CDH10: variants seen among roughly 807,000 people sequenced by gnomAD.
CDH10 encodes the protein cadherin 10.
In CDH10, 30 loss-of-function variants were observed where a neutral mutation model predicts 73.1. The ratio of observed to expected loss-of-function variants is 0.41; its 90% CI spans 0.31 to 0.56. The LOEUF is 0.56. Among genes scored for constraint, CDH10 ranks in the 20% least tolerant of loss-of-function variants. The pLI is 0.27. For synonymous variants in CDH10, 345 were observed against 348.2 expected (o/e 0.99, Z 0.10); for missense variants, 815 against 973.7 (o/e 0.84, Z 2.17).
chr5:24,563,597 C>CAAAAAAAAAAAAAAAA (rs70965616), intron 2 of CDH10, among the ~76,000 whole-genome samples: 4 of 88,682 alleles, frequency 4.5e-5, no homozygotes, highest in East Asian at 3.4e-4. Flanking sequence ...ACTAAAAATA[C>CAAAAAAAAAAAAAAAA]AAAAAAAAAA....
chr5:24,500,897 A>T (rs190660338), intron 8 of CDH10, among the ~76,000 whole-genome samples: 338 of 151,702 alleles, frequency 2.2e-3, no homozygotes, highest in Middle Eastern at 0.01. Context: ...AGAGGTATGC[A>T]TTTGAGAAGA....
At chr5:24,574,548 G>A (rs56227033) in intron 2 of CDH10, among the ~76,000 whole-genome samples, 71,157 of 151,452 alleles carry the variant, frequency 0.47, 17,751 homozygotes, top group East Asian at 0.69. Flanking sequence ...GAATATTGAC[G>A]GTGTCACTAC....
At chr5:24,578,852 C>T (rs1027415349) in intron 2 of CDH10, among the ~76,000 whole-genome samples, 1 of 151,826 alleles carries the variant, frequency 6.6e-6, no homozygotes, top group Admixed American at 6.6e-5. Context: ...ATAAGTTTGC[C>T]ATCTAAATCC....
chr5:24,530,239 AT>A (rs1185239678), intron 5 of CDH10, among the ~76,000 whole-genome samples: 1 of 151,664 alleles, frequency 6.6e-6, no homozygotes, highest in Admixed American at 6.6e-5. Flanking sequence ...GCCTCAGTAC[AT>A]TAGATGTCCC....
At chr5:24,617,231 C>T (rs1304368859) in intron 1 of CDH10, among the ~76,000 whole-genome samples, 7 of 151,960 alleles carry the variant, frequency 4.6e-5, no homozygotes, top group Non-Finnish European at 8.8e-5. Context: ...AGCAATGCAC[C>T]CCTCCTGCTT....
chr5:24,531,117 C>G (rs1178248429), intron 5 of CDH10, among the ~76,000 whole-genome samples: 1 of 151,992 alleles, frequency 6.6e-6, no homozygotes, highest in African/African-American at 2.4e-5. Context: ...TAGTGGATTT[C>G]TCCCTCTATT....
At chr5:24,536,074 TAATA>T (rs1387805517) in intron 3 of CDH10, among the ~76,000 whole-genome samples, 1 of 152,118 alleles carries the variant, frequency 6.6e-6, no homozygotes, top group Non-Finnish European at 1.5e-5. Flanking sequence ...ATACAGAATA[TAATA>T]AATACAGTCA....
chr5:24,503,849 A>G (rs902123866), intron 8 of CDH10, among the ~76,000 whole-genome samples: 1 of 152,172 alleles, frequency 6.6e-6, no homozygotes, highest in African/African-American at 2.4e-5. Context: ...GTGAACTCTG[A>G]TTAACAATAT....
chr5:24,627,703 A>C (rs559331358), intron 1 of CDH10, among the ~76,000 whole-genome samples: 1 of 152,104 alleles, frequency 6.6e-6, no homozygotes, highest in Admixed American at 6.6e-5. Context: ...CACTCTGTAC[A>C]TTGTCTAGTA....
At chr5:24,578,075 C>T (rs548612153) in intron 2 of CDH10, among the ~76,000 whole-genome samples, 139 of 152,244 alleles carry the variant, frequency 9.1e-4, no homozygotes, top group Admixed American at 1.6e-3. Flanking sequence ...GAGGAGAGGA[C>T]ACTTTCCATT....
chr5:24,487,508 A>C lies in CDH10; in HGVS notation c.*155T>G. On this transcript the variant is annotated 3_prime_UTR_variant, in exon 12 of 12. Transcript: ENST00000264463. ...ATATTCCATGAGACATCCTACAGGA[A>C]AGAATTAATGTAATTAATGAACAAA... 2.9e-6 allele frequency: 2 copies of C among 680,366 alleles called. No individual in the cohort carries two copies. Among genetic ancestry groups the C allele is most frequent in the Non-Finnish European group, 5.1e-6 (2 of 393,154 alleles). 42.1% of individuals were successfully genotyped at this position (680,366 alleles called of 1,614,324 possible).
chr5:24,625,573 A>AATATATATGTG (rs1561202712), intron 1 of CDH10, among the ~76,000 whole-genome samples: 1 of 36,826 alleles, frequency 2.7e-5, no homozygotes, highest in Non-Finnish European at 1.6e-4. Flanking sequence ...TCATATATAT[A>AATATATATGTG]CATATATTCA....
chr5:24,588,525 T>C (rs1746094514), intron 2 of CDH10, among the ~76,000 whole-genome samples: 1 of 152,190 alleles, frequency 6.6e-6, no homozygotes, highest in Non-Finnish European at 1.5e-5. Context: ...ATTTTCCACT[T>C]GTGCACTTGA....
intron 1 of CDH10, among the ~76,000 whole-genome samples, chr5:24,626,996 T>C (rs78308246): frequency 0.054 from 8,187 of 151,654 alleles, 754 homozygotes; most frequent in African/African-American, 0.19. Context: ...AACAATCCTC[T>C]AGATGCAGAC....
At position 24,609,175 on chromosome 5, in the gene CDH10, GA is replaced by G. The variant is rs567435373; in HGVS notation, c.-123-15563del. On this transcript the variant is annotated intron_variant, in intron 1 of 11. Transcript: ENST00000264463. ...GAATTCCCATCCCACTGGGAAGGGG[GA>G]AACCATTACGGATTCTGAAGAATGG... 1.4e-4 allele frequency among the ~76,000 whole-genome samples: 22 copies of G among 152,292 alleles called. 1 individual carries two copies. The East Asian group carries it at 4.3e-3, about 29-fold the overall frequency.
At chr5:24,551,118 T>A (rs972319337) in intron 2 of CDH10, among the ~76,000 whole-genome samples, 2 of 152,106 alleles carry the variant, frequency 1.3e-5, no homozygotes, top group Admixed American at 6.6e-5. Context: ...TTTGGCCTCA[T>A]CCTTTTCCAT....
chr5:24,569,779 T>TA (rs1554022176), intron 2 of CDH10, among the ~76,000 whole-genome samples: 1 of 151,906 alleles, frequency 6.6e-6, no homozygotes, highest in Non-Finnish European at 1.5e-5. Context: ...TTTTTTTTTT[T>TA]ATTGATGGAG....
intron 2 of CDH10, among the ~76,000 whole-genome samples, chr5:24,557,070 A>C (rs192086769): frequency 8.8e-4 from 134 of 151,916 alleles, no homozygotes; most frequent in African/African-American, 3.2e-3. Context: ...GTCTCTAAAA[A>C]ATATTTGTGT....
At chr5:24,583,541 A>C (rs2112063062) in intron 2 of CDH10, among the ~76,000 whole-genome samples, 1 of 152,330 alleles carries the variant, frequency 6.6e-6, no homozygotes, top group Admixed American at 6.5e-5. Context: ...TTAGTTTTGT[A>C]CTTAACTAGA....
Sources: allele counts gnomAD v4.1 joint callset (sites outside exome capture counted in the v4.1 genomes callset), GRCh38; gene constraint gnomAD v4.1.1; transcripts MANE v1.5; gene names NCBI Gene and HGNC (gene_info 2026-07-23, HGNC 2026-07-21).